CNTN5: variants seen among roughly 807,000 people sequenced by gnomAD.
The protein encoded by CNTN5 is contactin 5.
Under a neutral mutation model 129.1 loss-of-function variants are expected in CNTN5, and 77 were observed. The observed-to-expected ratio is 0.60, with a 90% CI of 0.50 to 0.72. CNTN5 has a LOEUF of 0.72. CNTN5 is among the 30% of genes least tolerant of loss of function. CNTN5 has a pLI of 0.00. For synonymous variants in CNTN5, 509 were observed against 465.6 expected, an observed-to-expected ratio of 1.09 and a Z score of -1.20; for missense variants, 1,478 against 1,328.8, an observed-to-expected ratio of 1.11 and a Z score of -1.75.
chr11:100,175,909 C>T (rs1185616174), intron 13 of CNTN5, among the ~76,000 whole-genome samples: 1 of 152,058 alleles, frequency 6.6e-6, no homozygotes, highest in African/African-American at 2.4e-5. Context: ...TTTAAGATCT[C>T]ATCCTGCATT....
chr11:100,320,888 G>A (rs748068157), intron 21 of CNTN5, among the ~76,000 whole-genome samples: 14 of 151,944 alleles, frequency 9.2e-5, no homozygotes, highest in East Asian at 1.9e-4. Context: ...TTAATTTCCC[G>A]GTGTTTTATT....
Position 99,562,764 on chromosome 11 carries a change from A to G in CNTN5, c.55+6495A>G, listed in dbSNP as rs184221505. ...GGAAATGGTTTCTTACCTTGCTTAT[A>G]GGTGTAGATGATCTTGCCATTTACC... On this transcript the variant is annotated intron_variant, in intron 3 of 24. Transcript: ENST00000524871. 3.9e-5 allele frequency among the ~76,000 whole-genome samples: 6 copies of G among 152,314 alleles called. No homozygotes were observed. The East Asian group carries it at 1.2e-3, about 29-fold the overall frequency.
chr11:99,457,997 C>T (rs1944556130), intron 2 of CNTN5, among the ~76,000 whole-genome samples: 1 of 151,816 alleles, frequency 6.6e-6, no homozygotes, highest in Non-Finnish European at 1.5e-5. Flanking sequence ...GACCATTGGA[C>T]TCCAAATCTT....
chr11:99,789,215 A>G (rs1421054647), intron 3 of CNTN5, among the ~76,000 whole-genome samples: 1 of 151,988 alleles, frequency 6.6e-6, no homozygotes, highest in Non-Finnish European at 1.5e-5. Context: ...AACAATTTGT[A>G]GACTTCCCAT....
intron 3 of CNTN5, among the ~76,000 whole-genome samples, chr11:99,615,135 G>A (rs1243527433): frequency 6.7e-6 from 1 of 150,330 alleles, no homozygotes; most frequent in East Asian, 1.9e-4. Flanking sequence ...TGCCGAGGAA[G>A]AGTGAATAAG....
chr11:99,054,093 C>T (rs1303105102), intron 1 of CNTN5, among the ~76,000 whole-genome samples: 1 of 151,816 alleles, frequency 6.6e-6, no homozygotes, highest in African/African-American at 2.4e-5. Context: ...AATATAAATA[C>T]ATGTAAGATG....
At chr11:99,928,459 C>T (rs865778600) in intron 7 of CNTN5, among the ~76,000 whole-genome samples, 1 of 152,206 alleles carries the variant, frequency 6.6e-6, no homozygotes, top group Non-Finnish European at 1.5e-5. Context: ...CAGGCACTCC[C>T]ATATTCTGAA....
intron 3 of CNTN5, 115 bp downstream of exon 3, chr11:99,556,384 T>G: frequency 1.7e-6 from 1 of 579,228 alleles, no homozygotes; most frequent in Non-Finnish European, 2.8e-6. Context: ...ATATCAGTAT[T>G]TATACTTTCC....
chr11:99,258,024 A>G (rs1862454756), intron 1 of CNTN5, among the ~76,000 whole-genome samples: 1 of 152,062 alleles, frequency 6.6e-6, no homozygotes, highest in Non-Finnish European at 1.5e-5. Flanking sequence ...ATGCTATATC[A>G]CAATGCCTTT....
chr11:100,174,260 T>C (rs1268014125), intron 13 of CNTN5, among the ~76,000 whole-genome samples: 1 of 152,114 alleles, frequency 6.6e-6, no homozygotes, highest in Non-Finnish European at 1.5e-5. Flanking sequence ...CACCTATTTG[T>C]TATAAGAGAA....
intron 3 of CNTN5, among the ~76,000 whole-genome samples, chr11:99,619,304 A>G (rs1339254990): frequency 6.6e-6 from 1 of 152,266 alleles, no homozygotes; most frequent in African/African-American, 2.4e-5. Flanking sequence ...AAAGTTTACA[A>G]ATTTAATTCT....
At chr11:99,396,588 G>A (rs1941536809) in intron 2 of CNTN5, among the ~76,000 whole-genome samples, 1 of 151,562 alleles carries the variant, frequency 6.6e-6, no homozygotes, top group African/African-American at 2.4e-5. Context: ...ACTATCATAA[G>A]AGACTGATAT....
chr11:99,883,083 C>T (rs1039195961), intron 6 of CNTN5, among the ~76,000 whole-genome samples: 2 of 152,146 alleles, frequency 1.3e-5, no homozygotes, highest in African/African-American at 4.8e-5. Context: ...AATAGTACCC[C>T]GTTGTGTATA....
intron 6 of CNTN5, among the ~76,000 whole-genome samples, chr11:99,912,156 G>T (rs539356201): frequency 1.3e-5 from 2 of 151,700 alleles, no homozygotes; most frequent in Non-Finnish European, 2.9e-5. Context: ...AAGGCAAAAA[G>T]GAAGAGGAAG....
intron 13 of CNTN5, among the ~76,000 whole-genome samples, chr11:100,126,379 C>A (rs1041774922): frequency 6.6e-6 from 1 of 152,080 alleles, no homozygotes; most frequent in Non-Finnish European, 1.5e-5. Flanking sequence ...CTTTGTAATA[C>A]CGTCAGTTGG....
intron 1 of CNTN5, among the ~76,000 whole-genome samples, chr11:99,033,245 A>G (rs900548352): frequency 2.0e-5 from 3 of 151,804 alleles, no homozygotes; most frequent in Non-Finnish European, 2.9e-5. Flanking sequence ...TGACTTGGCA[A>G]TGCGGGCTCT....
At chr11:99,354,202 T>C (rs1230896262) in intron 2 of CNTN5, among the ~76,000 whole-genome samples, 3 of 152,188 alleles carry the variant, frequency 2.0e-5, no homozygotes, top group Non-Finnish European at 4.4e-5. Flanking sequence ...TAGTATAACA[T>C]GAATGCTACA....
At chr11:99,480,566 A>T (rs1945554597) in intron 2 of CNTN5, among the ~76,000 whole-genome samples, 1 of 152,170 alleles carries the variant, frequency 6.6e-6, no homozygotes, top group Non-Finnish European at 1.5e-5. Context: ...ATTTTACCTG[A>T]TTCTTGAATG....
chr11:99,027,887 G>A (rs1453395413), intron 1 of CNTN5, among the ~76,000 whole-genome samples: 2 of 151,696 alleles, frequency 1.3e-5, no homozygotes, highest in African/African-American at 4.8e-5. Context: ...GATAAGTGTA[G>A]CAGAGATGAG....
Sources: allele counts gnomAD v4.1 joint callset (sites outside exome capture counted in the v4.1 genomes callset), GRCh38; gene constraint gnomAD v4.1.1; transcripts MANE v1.5; gene names NCBI Gene and HGNC (gene_info 2026-07-23, HGNC 2026-07-21).